The following SEMA3E variants were observed in gnomAD, a reference collection of about 807,000 sequenced individuals.
SEMA3E encodes the protein semaphorin 3E, also known as semaphorin-3E.
Under a neutral mutation model 93.6 loss-of-function variants are expected in SEMA3E, and 49 were observed. The observed-to-expected ratio is 0.52, with a 90% CI of 0.42 to 0.66. The LOEUF (loss-of-function observed/expected upper bound fraction) is 0.66. SEMA3E is among the 30% of genes least tolerant of loss of function. The probability of loss-of-function intolerance (pLI) is 0.00; values close to 1 mark genes in which losing one functional copy is unlikely to be tolerated. For missense variants in SEMA3E, 906 were observed against 964.8 expected (o/e 0.94, Z 0.81); for synonymous variants, 363 against 330.7 (o/e 1.10, Z -1.06).
At chr7:83,588,642 A>G (rs1366029559) in intron 1 of SEMA3E, among the ~76,000 whole-genome samples, 1 of 152,202 alleles carries the variant, frequency 6.6e-6, no homozygotes, top group Non-Finnish European at 1.5e-5. Context: ...CAAATAGCTT[A>G]AAATTTAAGT....
chr7:83,585,130 T>C (rs1792597943), intron 1 of SEMA3E, among the ~76,000 whole-genome samples: 1 of 152,150 alleles, frequency 6.6e-6, no homozygotes, highest in Non-Finnish European at 1.5e-5. Flanking sequence ...GTTTCTTTGC[T>C]CTTCTCAGGA....
intron 1 of SEMA3E, among the ~76,000 whole-genome samples, chr7:83,545,781 A>G (rs1204258423): frequency 6.8e-6 from 1 of 146,430 alleles, no homozygotes; most frequent in Admixed American, 7.0e-5. Flanking sequence ...ATCCAGTAGA[A>G]TGTGTGTATA....
At chr7:83,396,113 GTGTATA>G in intron 12 of SEMA3E, among the ~76,000 whole-genome samples, 2 of 151,510 alleles carry the variant, frequency 1.3e-5, no homozygotes, top group African/African-American at 4.8e-5. Context: ...ACATATATAT[GTGTATA>G]CACACATATA....
chr7:83,418,357 C>T, intron 5 of SEMA3E, 33 bp downstream of exon 5: 1 of 1,435,972 alleles, frequency 7.0e-7, no homozygotes, highest in African/African-American at 1.4e-5. Flanking sequence ...ATCCTTATGA[C>T]TACCACCTGA....
chr7:83,368,193 ATCTCTCTC>A (rs5885346), intron 16 of SEMA3E, among the ~76,000 whole-genome samples, 155 bp from the exon 17 acceptor site: 45 of 147,806 alleles, frequency 3.0e-4, no homozygotes, highest in African/African-American at 1.1e-3. Flanking sequence ...AAATAATTAC[ATCTCTCTC>A]TCTCTCTCTG....
intron 4 of SEMA3E, among the ~76,000 whole-genome samples, chr7:83,447,345 G>T (rs1256982341): frequency 2.0e-5 from 3 of 152,120 alleles, no homozygotes; most frequent in South Asian, 2.1e-4. Context: ...GACCATCCTG[G>T]CCAATATGGT....
intron 4 of SEMA3E, among the ~76,000 whole-genome samples, chr7:83,443,171 G>C (rs1487263059): frequency 6.6e-6 from 1 of 152,152 alleles, no homozygotes; most frequent in Admixed American, 6.5e-5. Flanking sequence ...GAAAGAGACA[G>C]GGTAGTGGAG....
At chr7:83,617,946 G>T (rs1048441063) in intron 1 of SEMA3E, among the ~76,000 whole-genome samples, 1 of 151,930 alleles carries the variant, frequency 6.6e-6, no homozygotes, top group Admixed American at 6.6e-5. Flanking sequence ...CACATTCACT[G>T]ATCATCTGCT....
At chr7:83,401,349 C>T (rs919500610) in intron 10 of SEMA3E, among the ~76,000 whole-genome samples, 1 of 151,970 alleles carries the variant, frequency 6.6e-6, no homozygotes, top group African/African-American at 2.4e-5. Context: ...AATCAGATTC[C>T]ACAAAGAGGA....
At chr7:83,379,348 A>C (rs1022071455) in intron 16 of SEMA3E, among the ~76,000 whole-genome samples, 1 of 151,764 alleles carries the variant, frequency 6.6e-6, no homozygotes, top group African/African-American at 2.4e-5. Context: ...ACCACTATGC[A>C]ATGTAATAAA....
In SEMA3E at chr7:83,482,427, G is replaced by A. The variant is rs558678968; in HGVS notation, c.276+7687C>T. Among the ~76,000 whole-genome samples, 9 of 151,934 alleles carry A rather than the reference G, an allele frequency of 5.9e-5. No homozygotes were observed. The South Asian group carries it at 1.0e-3, about 18-fold the overall frequency. On this transcript the variant is annotated intron_variant, in intron 2 of 16. Transcript: ENST00000643230. ...TAAAAATACAAAAAATTAGCCGGGT[G>A]TGGTGGCGGGTGCCTGTAGTCCCAG...
chr7:83,379,966 C>T (rs1329884755), intron 16 of SEMA3E, among the ~76,000 whole-genome samples: 1 of 151,764 alleles, frequency 6.6e-6, no homozygotes, highest in African/African-American at 2.4e-5. Context: ...ACATCTCTTG[C>T]CATGCCAAAT....
chr7:83,551,925 G>A (rs1320161238), intron 1 of SEMA3E, among the ~76,000 whole-genome samples: 1 of 150,560 alleles, frequency 6.6e-6, no homozygotes, highest in Admixed American at 6.6e-5. Flanking sequence ...CCTCAGTGTT[G>A]CCACTATTAG....
At chr7:83,538,118 G>T (rs1484711315) in intron 1 of SEMA3E, among the ~76,000 whole-genome samples, 1 of 151,992 alleles carries the variant, frequency 6.6e-6, no homozygotes, top group Non-Finnish European at 1.5e-5. Context: ...TGGATATTTG[G>T]GATGTTTCCA....
rs902535713 is a variant in SEMA3E, at chr7:83,635,941, G to A, written c.115+12487C>T. Among the ~76,000 whole-genome samples the A allele has an allele frequency of 6.0e-5, 9 of 150,760 alleles. 1 individual carries two copies. The highest frequency in any genetic ancestry group is 2.2e-4 in the African/African-American group (9 of 41,164). ...CCTTTCTGAAAAAAAACAAAGATGG[G>A]TAAATTATCACTCTTTCCCAGTTCT... On this transcript the variant is annotated intron_variant, in intron 1 of 16. Transcript: ENST00000643230.
chr7:83,563,063 T>G (rs532239662), intron 1 of SEMA3E, among the ~76,000 whole-genome samples: 8 of 152,324 alleles, frequency 5.3e-5, no homozygotes, highest in African/African-American at 1.9e-4. Flanking sequence ...TTCCAGTGTC[T>G]ACTGTAGACA....
At chr7:83,423,418 A>G (rs1788707355) in intron 4 of SEMA3E, among the ~76,000 whole-genome samples, 2 of 152,174 alleles carry the variant, frequency 1.3e-5, no homozygotes, top group Non-Finnish European at 2.9e-5. Flanking sequence ...ATTAATGGCT[A>G]AAACTAAGTC....
In SEMA3E at chr7:83,537,790, T is replaced by C. The variant is rs1485658697; in HGVS notation, c.116-47516A>G. ...GTGCAACCATCACAACAGTCAATATTGGGACATTTCCATCACCTCTAAAAG... is the reference window on the plus strand; with the variant it reads ...GTGCAACCATCACAACAGTCAATATCGGGACATTTCCATCACCTCTAAAAG... On this transcript the variant is annotated intron_variant, in intron 1 of 16. Transcript: ENST00000643230. Among the ~76,000 whole-genome samples the C allele has an allele frequency of 3.3e-5, 5 of 152,146 alleles. No individual in the cohort carries two copies. In the East Asian group the frequency reaches 9.6e-4, roughly 29 times the overall value.
At chr7:83,571,727 A>G (rs1343860638) in intron 1 of SEMA3E, among the ~76,000 whole-genome samples, 1 of 152,212 alleles carries the variant, frequency 6.6e-6, no homozygotes, top group Non-Finnish European at 1.5e-5. Context: ...TAGCCAGAGG[A>G]ATCAGGCAAG....
Sources: gnomAD v4.1 joint callset for allele counts (sites outside exome capture counted in the v4.1 genomes callset) on GRCh38, gnomAD v4.1.1 for gene constraint, MANE v1.5 for transcripts, NCBI Gene and HGNC (gene_info 2026-07-23, HGNC 2026-07-21) for gene names.